RP9: variants seen among roughly 807,000 people sequenced by gnomAD.
RP9 encodes the protein retinitis pigmentosa 9 protein.
RP9 carries 23 observed loss-of-function variants against 32.6 expected under a neutral mutation model. The observed-to-expected ratio is 0.71, with a 90% confidence interval of 0.51 to 1.00. The LOEUF (loss-of-function observed/expected upper bound fraction) is 1.00. Ranked by LOEUF, RP9 falls within the 50% of genes least tolerant of loss-of-function variation. The pLI is 0.00. For synonymous variants in RP9, 94 were observed against 103.6 expected, an observed-to-expected ratio of 0.91 and a Z score of 0.56; for missense variants, 245 against 285.3, an observed-to-expected ratio of 0.86 and a Z score of 1.02.
At chr7:33,100,050 C>T in intron 2 of RP9, 1 of 175,424 alleles carries the variant, frequency 5.7e-6, no homozygotes, top group Non-Finnish European at 1.2e-5. Flanking sequence ...CCGTGGCCTG[C>T]CACTCTAAGT....
intron 2 of RP9, chr7:33,100,165 C>T (rs1367709426): frequency 5.8e-6 from 2 of 347,478 alleles, no homozygotes; most frequent in Non-Finnish European, 1.1e-5. Flanking sequence ...TCAGAGTTTA[C>T]TGCTCTCTGA....
In RP9 at chr7:33,095,165, TCTGA is replaced by T. The variant is rs1788310572; in HGVS notation, c.*65_*68del. On this transcript the variant is annotated 3_prime_UTR_variant, in exon 6 of 6. Coordinates refer to ENST00000297157, the MANE Select transcript of RP9 (RefSeq NM_203288.2). ...TCGGCGTCTCTATCCTGCTGCTTTCTCTGACTGCATCTTCCTCTGTTCCTTGGTC... is the reference window on the plus strand; with the variant it reads ...TCGGCGTCTCTATCCTGCTGCTTTCTCTGCATCTTCCTCTGTTCCTTGGTC... 3.8e-6 allele frequency: 6 copies of T among 1,590,034 alleles called. No individual in the cohort carries two copies. Among genetic ancestry groups the T allele is most frequent in the East Asian group, 2.2e-5 (1 of 44,684 alleles).
At chr7:33,100,111 G>A (rs919603745) in intron 2 of RP9, 13 of 242,820 alleles carry the variant, frequency 5.4e-5, no homozygotes, top group Non-Finnish European at 8.9e-5. Flanking sequence ...CTGCAGGAGG[G>A]ATGCCTGTAC....
intron 5 of RP9, 105 bp from the exon 6 acceptor site, chr7:33,095,537 C>G: frequency 6.5e-7 from 1 of 1,538,516 alleles, no homozygotes; most frequent in Non-Finnish European, 8.8e-7. Context: ...GATGAATAAC[C>G]ATGTCACAAA....
intron 3 of RP9, among the ~76,000 whole-genome samples, chr7:33,097,781 A>G (rs987180206): frequency 6.6e-6 from 1 of 151,964 alleles, no homozygotes; most frequent in Non-Finnish European, 1.5e-5. Context: ...CACCACACCC[A>G]GCTAATTTTT....
intron 1 of RP9, among the ~76,000 whole-genome samples, chr7:33,108,902 T>C (rs1788539663): frequency 6.6e-6 from 1 of 152,190 alleles, no homozygotes; most frequent in Admixed American, 6.5e-5. Flanking sequence ...TTGAATCTTC[T>C]TTACACCACA....
chr7:33,108,324 G>T (rs1362227898), intron 1 of RP9, among the ~76,000 whole-genome samples: 2 of 152,194 alleles, frequency 1.3e-5, no homozygotes, highest in Non-Finnish European at 2.9e-5. Flanking sequence ...CGAGGTCTGT[G>T]TTAGAATTTA....
At chr7:33,108,289 A>G (rs566912379) in intron 1 of RP9, among the ~76,000 whole-genome samples, 1 of 152,360 alleles carries the variant, frequency 6.6e-6, no homozygotes, top group South Asian at 2.1e-4. Context: ...AAGAACTGAA[A>G]GAGTTGCTGC....
Position 33,094,960 on chromosome 7 carries a change from T to G in RP9, c.*274A>C. On this transcript the variant is annotated 3_prime_UTR_variant, in exon 6 of 6. Transcript: ENST00000297157. Reference sequence around the variant, plus strand: ...AGTCCTGCCACCCTGTGGGAGACACTTCAAAGGAATCGTAAACTCATGTGA... The same window carrying G: ...AGTCCTGCCACCCTGTGGGAGACACGTCAAAGGAATCGTAAACTCATGTGA... 1.9e-6 allele frequency: 1 copy of G among 517,524 alleles called. No homozygotes were observed. The highest frequency in any genetic ancestry group is 3.3e-5 in the Admixed American group (1 of 29,942). 32.1% of individuals were successfully genotyped at this position (517,524 alleles called of 1,614,324 possible).
intron 1 of RP9, among the ~76,000 whole-genome samples, chr7:33,101,237 T>C (rs1486238345): frequency 6.6e-6 from 1 of 152,138 alleles, no homozygotes; most frequent in Non-Finnish European, 1.5e-5. Flanking sequence ...TTATGCATAG[T>C]TTAAGGGACC....
At position 33,109,345 on chromosome 7, in the gene RP9, C is replaced by T. The variant is rs764257197; in HGVS notation, c.28G>A (p.Val10Met). The T allele has an allele frequency of 6.9e-7, 1 of 1,443,558 alleles. No homozygotes were observed. The highest frequency in any genetic ancestry group is 9.1e-7 in the Non-Finnish European group (1 of 1,101,834). 89.4% of individuals were successfully genotyped at this position (1,443,558 alleles called of 1,614,324 possible). A position where few individuals can be genotyped will look rare whatever the true frequency, so the allele number is the denominator to read the frequency against. The change falls in exon 1 of 6, where the codon GTG becomes ATG. Residue 10 changes from valine (V) to methionine (M), a missense_variant. Coordinates refer to ENST00000297157, the MANE Select transcript of RP9 (RefSeq NM_203288.2). This position sits in a 1 kb window ranked among gnomAD's most constrained non-coding sequence, Gnocchi z 4.9. ...GGCCGCCGCGCGCCCGCAGCCCCCACGTCCTCGCGCCCAGGCCGGGACGAC... is the reference window on the plus strand; with the variant it reads ...GGCCGCCGCGCGCCCGCAGCCCCCATGTCCTCGCGCCCAGGCCGGGACGAC... MSSRPGRED[V>M]GAAGARRPRE...
In RP9 at chr7:33,109,177, G is replaced by A; in HGVS notation, c.152+44C>T. ...CGGCGTCCCGCGCCCCGGGCCCCTGGCTTCAGAAGACTGGCCGCGCGCGGA... is the reference window on the plus strand; with the variant it reads ...CGGCGTCCCGCGCCCCGGGCCCCTGACTTCAGAAGACTGGCCGCGCGCGGA... On this transcript the variant is annotated intron_variant, in intron 1 of 5. Coordinates refer to ENST00000297157, the MANE Select transcript of RP9 (RefSeq NM_203288.2). The surrounding 1 kb of genome is among the most constrained non-coding windows in gnomAD (Gnocchi z 4.9). 8 of 1,478,430 alleles carry A rather than the reference G, an allele frequency of 5.4e-6. No individual in the cohort carries two copies. The highest frequency in any genetic ancestry group is 7.2e-6 in the Non-Finnish European group (8 of 1,116,078). The allele number at this position is 1,478,430 out of a possible 1,614,324, so 91.6% of individuals were successfully genotyped here.
intron 1 of RP9, among the ~76,000 whole-genome samples, chr7:33,101,212 A>C (rs1319365304): frequency 3.9e-5 from 6 of 152,188 alleles, no homozygotes; most frequent in African/African-American, 1.4e-4. Context: ...TGTTTTCTTC[A>C]TTCGGACTCT....
At chr7:33,108,417 G>T (rs573685507) in intron 1 of RP9, among the ~76,000 whole-genome samples, 1 of 152,186 alleles carries the variant, frequency 6.6e-6, no homozygotes, top group Non-Finnish European at 1.5e-5. Context: ...TGATGACTTT[G>T]AGCTATAAGT....
chr7:33,096,382 A>C, intron 5 of RP9, 111 bp downstream of exon 5: 1 of 803,104 alleles, frequency 1.2e-6, no homozygotes, highest in Non-Finnish European at 2.2e-6. Context: ...TATTTTCACA[A>C]TTGAAGTACC....
intron 1 of RP9, chr7:33,100,824 G>A (rs1788413246): frequency 1.6e-6 from 1 of 623,288 alleles, no homozygotes; most frequent in Non-Finnish European, 3.0e-6. Flanking sequence ...AGAATGCTGA[G>A]CACGCAAGTC....
chr7:33,095,495 G>GTC (rs1788318295), intron 5 of RP9, 63 bp from the exon 6 acceptor site: 1 of 1,603,316 alleles, frequency 6.2e-7, no homozygotes, highest in Non-Finnish European at 8.5e-7. Context: ...CAGTTGCTTA[G>GTC]ATAAATATGT....
intron 1 of RP9, among the ~76,000 whole-genome samples, chr7:33,108,925 A>T (rs1354253312): frequency 6.6e-6 from 1 of 152,154 alleles, no homozygotes; most frequent in Non-Finnish European, 1.5e-5. Flanking sequence ...CTCCCGGGTC[A>T]TTTGGACTCT....
intron 1 of RP9, among the ~76,000 whole-genome samples, chr7:33,107,312 G>A (rs1425870629): frequency 1.3e-5 from 2 of 152,172 alleles, no homozygotes; most frequent in Non-Finnish European, 2.9e-5. Context: ...TTGATCACAT[G>A]ACTTAACCAC....
Sources: allele counts gnomAD v4.1 joint callset (sites outside exome capture counted in the v4.1 genomes callset), GRCh38; gene constraint gnomAD v4.1.1; non-coding constraint Gnocchi (gnomAD v3.1); transcripts MANE v1.5; gene names NCBI Gene and HGNC (gene_info 2026-07-23, HGNC 2026-07-21).